Variants in KALRN observed in about 807,000 individuals in gnomAD.
The protein encoded by KALRN is kalirin RhoGEF kinase, also known as kalirin.
KALRN carries 70 observed loss-of-function variants against 353.7 expected under a neutral mutation model. The observed-to-expected ratio is 0.20, with a 90% confidence interval of 0.16 to 0.24. The LOEUF (loss-of-function observed/expected upper bound fraction) is 0.24, where lower values mean the gene tolerates loss of function less well. KALRN is among the 10% of genes least tolerant of loss of function. KALRN has a pLI of 1.00. For synonymous variants in KALRN, 1,391 were observed against 1,434.8 expected (o/e 0.97, Z 0.69); for missense variants, 2,791 against 3,756.7 (o/e 0.74, Z 6.72).
At chr3:124,460,023 G>C (rs564724814) in intron 23 of KALRN, among the ~76,000 whole-genome samples, 47 of 152,308 alleles carry the variant, frequency 3.1e-4, no homozygotes, top group Admixed American at 2.0e-3. Context: ...GCAGTGAGGG[G>C]AGGGTCTGTT....
At chr3:124,418,065 G>T (rs557278011) in intron 14 of KALRN, among the ~76,000 whole-genome samples, 18 of 152,208 alleles carry the variant, frequency 1.2e-4, no homozygotes, top group Admixed American at 2.0e-4. Context: ...CATCAGTGTG[G>T]GTGGAACAGA....
At chr3:124,482,628 C>T (rs1024615474) in intron 27 of KALRN, among the ~76,000 whole-genome samples, 180 bp from the exon 28 acceptor site, 1 of 152,048 alleles carries the variant, frequency 6.6e-6, no homozygotes, top group Non-Finnish European at 1.5e-5. Flanking sequence ...TCTCTATATG[C>T]ATCTTGGTCT....
chr3:124,594,987 A>AT (rs143086565), intron 34 of KALRN, among the ~76,000 whole-genome samples: 3 of 148,698 alleles, frequency 2.0e-5, no homozygotes, highest in Non-Finnish European at 4.5e-5. Context: ...TTATTTATTT[A>AT]TTTTTTTGAG....
intron 28 of KALRN, among the ~76,000 whole-genome samples, chr3:124,485,374 C>A: frequency 6.6e-6 from 1 of 152,024 alleles, no homozygotes; most frequent in East Asian, 1.9e-4. Flanking sequence ...GGTGTAAGCC[C>A]CCTAGGATGA....
intron 33 of KALRN, among the ~76,000 whole-genome samples, chr3:124,506,347 G>A (rs2065226063): frequency 6.6e-6 from 1 of 152,270 alleles, no homozygotes; most frequent in African/African-American, 2.4e-5. Context: ...TGCAGATATG[G>A]CCCTGGTTGT....
intron 1 of KALRN, among the ~76,000 whole-genome samples, chr3:124,128,118 T>A (rs1043531061): frequency 6.6e-6 from 1 of 152,100 alleles, no homozygotes; most frequent in Non-Finnish European, 1.5e-5. Context: ...TTGTGGCAGG[T>A]GTATGGTAGG....
intron 48 of KALRN, 154 bp from the exon 49 acceptor site, chr3:124,674,210 A>C: frequency 1.6e-6 from 1 of 642,868 alleles, no homozygotes; most frequent in Non-Finnish European, 2.6e-6. Context: ...GAGCATGTTT[A>C]TTAATATCAT....
intron 1 of KALRN, among the ~76,000 whole-genome samples, chr3:124,169,829 G>T (rs1296745868): frequency 6.6e-6 from 1 of 152,186 alleles, no homozygotes; most frequent in Non-Finnish European, 1.5e-5. Flanking sequence ...TGTCCTGAAC[G>T]TGGGAGTAGT....
intron 6 of KALRN, 29 bp from the exon 7 acceptor site, chr3:124,325,951 C>T (rs745404315): frequency 3.2e-6 from 5 of 1,586,700 alleles, no homozygotes; most frequent in Non-Finnish European, 4.3e-6. Flanking sequence ...TTGAGCCTGC[C>T]CCACTGAGCA....
intron 13 of KALRN, among the ~76,000 whole-genome samples, chr3:124,405,886 C>T (rs141030736): frequency 0.011 from 1,663 of 152,144 alleles, 28 homozygotes; most frequent in East Asian, 0.087. Context: ...CCTCGTGATC[C>T]GCCCGCCTCG....
In KALRN at chr3:124,439,188, T is replaced by TCACACACACACACACACACA. The variant is rs1491329331; in HGVS notation, c.3198+152_3198+153insACACACACACACACACACAC. 2.2e-4 allele frequency: 81 copies of TCACACACACACACACACACA among 363,302 alleles called. 4 individuals carry two copies. The highest frequency in any genetic ancestry group is 1.7e-3 in the East Asian group (28 of 16,946). 22.5% of individuals were successfully genotyped at this position (363,302 alleles called of 1,614,324 possible). ...TTCTCCTCCTCCTCCTTCTTCTCCT[T>TCACACACACACACACACACA]CTCTCTCTCTCTCACACACACACAC... On this transcript the variant is annotated intron_variant, in intron 18 of 59. Coordinates refer to ENST00000682506, the MANE Select transcript of KALRN (RefSeq NM_001388419.1).
chr3:124,516,688 G>T (rs1179284114), intron 33 of KALRN, among the ~76,000 whole-genome samples: 3 of 150,756 alleles, frequency 2.0e-5, no homozygotes, highest in African/African-American at 7.3e-5. Flanking sequence ...GGTGTGTGTG[G>T]GGGTGTCTAG....
At chr3:124,429,590 C>T (rs563641310) in intron 15 of KALRN, among the ~76,000 whole-genome samples, 1 of 152,344 alleles carries the variant, frequency 6.6e-6, no homozygotes, top group East Asian at 1.9e-4. Context: ...GGTAGGTTTT[C>T]AGAGCCTAAC....
chr3:124,241,899 G>T (rs967142958), intron 3 of KALRN, among the ~76,000 whole-genome samples: 4 of 152,186 alleles, frequency 2.6e-5, no homozygotes, highest in Non-Finnish European at 4.4e-5. Context: ...CAGTCAGAGG[G>T]AAGGGCTCAA....
chr3:124,657,911 T>C (rs1268021629), intron 41 of KALRN, 108 bp downstream of exon 41: 6 of 812,978 alleles, frequency 7.4e-6, no homozygotes, highest in Non-Finnish European at 1.2e-5. Flanking sequence ...TCCAACACTT[T>C]AGGAGGCCAA....
Position 124,725,975 on chromosome 3 carries a change from C to A in KALRN, c.*6505C>A, listed in dbSNP as rs1235589070. The A allele has an allele frequency of 6.6e-6, 1 of 152,158 alleles. No homozygotes were observed. Among genetic ancestry groups the A allele is most frequent in the African/African-American group, 2.4e-5 (1 of 41,444 alleles). The allele number at this position is 152,158 out of a possible 1,614,324, so 9.4% of individuals were successfully genotyped here. A position where few individuals can be genotyped will look rare whatever the true frequency, so the allele number is the denominator to read the frequency against. On this transcript the variant is annotated 3_prime_UTR_variant, in exon 60 of 60. Transcript: ENST00000682506. Reference sequence around the variant, plus strand: ...TTGTAACAATTGATTTAAAATCACTCCACAGTATTGATAAATAGCTCTATA... The same window carrying A: ...TTGTAACAATTGATTTAAAATCACTACACAGTATTGATAAATAGCTCTATA...
Position 124,260,513 on chromosome 3 carries a change from A to G in KALRN, c.264-3985A>G, listed in dbSNP as rs190840422. Among the ~76,000 whole-genome samples the G allele has an allele frequency of 2.1e-4, 32 of 152,296 alleles. 1 individual carries two copies. The highest frequency in any genetic ancestry group is 7.2e-4 in the African/African-American group (30 of 41,554). On this transcript the variant is annotated intron_variant, in intron 3 of 59. Transcript: ENST00000682506. Reference sequence around the variant, plus strand: ...CCACCCCTCAGGCTTAGGGGTACACATAATGGTGGTGTTACTTGCCCTTGG... The same window carrying G: ...CCACCCCTCAGGCTTAGGGGTACACGTAATGGTGGTGTTACTTGCCCTTGG...
intron 34 of KALRN, among the ~76,000 whole-genome samples, chr3:124,570,508 A>G (rs1459853032): frequency 2.6e-5 from 4 of 152,178 alleles, no homozygotes; most frequent in South Asian, 4.1e-4. Flanking sequence ...TTTCCTTTAT[A>G]TTAGCATAGC....
chr3:124,464,298 G>T (rs1465836189), intron 25 of KALRN, among the ~76,000 whole-genome samples: 2 of 152,172 alleles, frequency 1.3e-5, no homozygotes, highest in African/African-American at 4.8e-5. Flanking sequence ...CTTTCTGGGA[G>T]CCCTACATTT....
Sources: gnomAD v4.1 joint callset for allele counts (sites outside exome capture counted in the v4.1 genomes callset) on GRCh38, gnomAD v4.1.1 for gene constraint, MANE v1.5 for transcripts, NCBI Gene and HGNC (gene_info 2026-07-23, HGNC 2026-07-21) for gene names.